Variants in ADARB2 observed in about 807,000 individuals in gnomAD.
ADARB2 encodes inactive double-stranded RNA-specific editase B2.
A neutral mutation model predicts 62.2 loss-of-function variants in ADARB2; 25 were observed. The observed-to-expected ratio is 0.40, with a 90% CI of 0.29 to 0.56. The LOEUF is 0.56. ADARB2 is among the 20% of genes least tolerant of loss of function. ADARB2 has a pLI of 0.43. For synonymous variants in ADARB2, 572 were observed against 500.8 expected (o/e 1.14, Z -1.90); for missense variants, 1,071 against 1,077.4 (o/e 0.99, Z 0.08).
At chr10:1,589,096 G>T (rs929914820) in intron 1 of ADARB2, among the ~76,000 whole-genome samples, 8 of 152,212 alleles carry the variant, frequency 5.3e-5, no homozygotes, top group African/African-American at 1.9e-4. Flanking sequence ...ACAAGTTACT[G>T]GCATGGCTCC....
chr10:1,480,755 G>T (rs1376890885), intron 1 of ADARB2, among the ~76,000 whole-genome samples: 5 of 152,022 alleles, frequency 3.3e-5, no homozygotes, highest in Non-Finnish European at 7.4e-5. Flanking sequence ...AATACTTAGG[G>T]ATAAACTTAA....
intron 1 of ADARB2, among the ~76,000 whole-genome samples, chr10:1,531,340 C>A (rs1284142436): frequency 1.3e-5 from 2 of 152,180 alleles, no homozygotes; most frequent in Non-Finnish European, 2.9e-5. Context: ...TCCAGGCAGC[C>A]CTTCGCGAGA....
At chr10:1,595,202 T>C (rs185022665) in intron 1 of ADARB2, among the ~76,000 whole-genome samples, 22 of 152,282 alleles carry the variant, frequency 1.4e-4, no homozygotes, top group Admixed American at 1.4e-3. Context: ...AAGTAAACAT[T>C]TGCAAGGCAC....
intron 3 of ADARB2, among the ~76,000 whole-genome samples, chr10:1,298,183 G>A (rs889285504): frequency 1.4e-4 from 21 of 152,194 alleles, no homozygotes; most frequent in African/African-American, 4.8e-4. Context: ...ACAGAGATCT[G>A]TCATTCCGGG....
At chr10:1,370,997 C>A (rs1832365111) in intron 2 of ADARB2, among the ~76,000 whole-genome samples, 2 of 152,296 alleles carry the variant, frequency 1.3e-5, no homozygotes, top group East Asian at 3.9e-4. Flanking sequence ...ATAGCTAAAG[C>A]AGTCCTGAGA....
chr10:1,628,980 C>T (rs906506643), intron 1 of ADARB2, among the ~76,000 whole-genome samples: 13 of 152,082 alleles, frequency 8.5e-5, no homozygotes, highest in Non-Finnish European at 1.6e-4. Flanking sequence ...GACAGCTGGC[C>T]GGGTTTCATT....
chr10:1,223,565 T>C (rs1830715969), intron 6 of ADARB2, among the ~76,000 whole-genome samples: 1 of 152,214 alleles, frequency 6.6e-6, no homozygotes, highest in African/African-American at 2.4e-5. Context: ...GGGTTTGTCA[T>C]AGATAGCTCT....
chr10:1,700,411 G>A (rs1259203741), intron 1 of ADARB2, among the ~76,000 whole-genome samples: 1 of 3,738 alleles, frequency 2.7e-4, no homozygotes, highest in African/African-American at 3.0e-4. Flanking sequence ...GGGAGACCAG[G>A]CGCTAGTCAA....
chr10:1,508,487 G>A lies in ADARB2; in HGVS notation c.101-129327C>T, dbSNP rs142300946. 3.9e-5 allele frequency among the ~76,000 whole-genome samples: 6 copies of A among 152,252 alleles called. No individual in the cohort carries two copies. The East Asian group carries it at 1.2e-3, about 30-fold the overall frequency. Reference sequence around the variant, plus strand: ...TATTGTTTTCACGCTGGCTTCTAAAGAAGTCGTGTTAGCTGGGCACAGTGG... The same window carrying A: ...TATTGTTTTCACGCTGGCTTCTAAAAAAGTCGTGTTAGCTGGGCACAGTGG... On this transcript the variant is annotated intron_variant, in intron 1 of 9. Coordinates refer to ENST00000381312, the MANE Select transcript of ADARB2 (RefSeq NM_018702.4).
chr10:1,418,106 C>A (rs1832820331), intron 1 of ADARB2, among the ~76,000 whole-genome samples: 1 of 152,194 alleles, frequency 6.6e-6, no homozygotes, highest in Non-Finnish European at 1.5e-5. Flanking sequence ...ATTGCACCTC[C>A]TCTGTCGGTG....
At chr10:1,230,755 C>T (rs1189392281) in intron 6 of ADARB2, among the ~76,000 whole-genome samples, 1 of 152,146 alleles carries the variant, frequency 6.6e-6, no homozygotes, top group Non-Finnish European at 1.5e-5. Flanking sequence ...CACCAAGTAC[C>T]TTCCTTCTCC....
chr10:1,462,397 C>A (rs1831186309), intron 1 of ADARB2, among the ~76,000 whole-genome samples: 1 of 152,272 alleles, frequency 6.6e-6, no homozygotes, highest in South Asian at 2.1e-4. Flanking sequence ...ACACAAGCCT[C>A]TACCTGCCGC....
At chr10:1,688,685 G>A (rs1449279254) in intron 1 of ADARB2, among the ~76,000 whole-genome samples, 2 of 152,076 alleles carry the variant, frequency 1.3e-5, no homozygotes, top group Non-Finnish European at 2.9e-5. Flanking sequence ...GATAACTGAG[G>A]GTGATTGCTC....
At chr10:1,694,506 C>T (rs920413960) in intron 1 of ADARB2, among the ~76,000 whole-genome samples, 18 of 151,584 alleles carry the variant, frequency 1.2e-4, no homozygotes, top group African/African-American at 4.1e-4. Flanking sequence ...CGACCCACAA[C>T]CGGTGGCACT....
intron 1 of ADARB2, among the ~76,000 whole-genome samples, chr10:1,702,163 A>G (rs1834830239): frequency 6.6e-6 from 1 of 152,238 alleles, no homozygotes; most frequent in Admixed American, 6.5e-5. Context: ...GAATCTACCA[A>G]TGACTGATAA....
chr10:1,594,952 T>C (rs1216739102), intron 1 of ADARB2, among the ~76,000 whole-genome samples: 1 of 152,124 alleles, frequency 6.6e-6, no homozygotes, highest in Admixed American at 6.5e-5. Context: ...GCCTCCCCCA[T>C]CTCTGCTGGG....
In ADARB2 at chr10:1,575,964, C is replaced by T. The variant is rs566055652; in HGVS notation, c.100+161087G>A. On this transcript the variant is annotated intron_variant, in intron 1 of 9. Transcript: ENST00000381312. ...CACAAAGCGCATGGGAGGGGTACTC[C>T]GGGGCCATGGGAGGGGGCTCAGGGT... Among the ~76,000 whole-genome samples the T allele has an allele frequency of 5.2e-3, 137 of 26,550 alleles. 1 individual carries two copies. The highest frequency in any genetic ancestry group is 0.016 in the African/African-American group (88 of 5,394). The allele number at this position is 26,550 out of a possible 152,430, so 17.4% of individuals were successfully genotyped here.
intron 3 of ADARB2, among the ~76,000 whole-genome samples, chr10:1,321,569 A>G (rs1831795554): frequency 6.6e-6 from 1 of 152,004 alleles, no homozygotes. Flanking sequence ...TTTTTTGTAG[A>G]GATGGGGGTC....
At chr10:1,420,611 G>GAAAAAAAAAAAAAAAAAA (rs755860726) in intron 1 of ADARB2, among the ~76,000 whole-genome samples, 1 of 121,134 alleles carries the variant, frequency 8.3e-6, no homozygotes, top group African/African-American at 3.4e-5. Context: ...CCAGAAAGAG[G>GAAAAAAAAAAAAAAAAAA]GAAAAAAAAA....
Sources: gnomAD v4.1 joint callset for allele counts (sites outside exome capture counted in the v4.1 genomes callset) on GRCh38, gnomAD v4.1.1 for gene constraint, MANE v1.5 for transcripts, NCBI Gene and HGNC (gene_info 2026-07-23, HGNC 2026-07-21) for gene names.